The following SDK1 variants were observed in gnomAD, a reference collection of about 807,000 sequenced individuals.
SDK1 encodes the protein sidekick cell adhesion molecule 1.
A neutral mutation model predicts 245.5 loss-of-function variants in SDK1; 157 were observed. The observed-to-expected ratio is 0.64, with a 90% CI of 0.56 to 0.73. The LOEUF is 0.73. SDK1 is among the 30% of genes least tolerant of loss of function. The pLI is 0.00. For synonymous variants in SDK1, 1,647 were observed against 1,278.5 expected (o/e 1.29, Z -6.15); for missense variants, 3,583 against 3,002.3 (o/e 1.19, Z -4.52).
At chr7:3,503,952 C>A (rs1329584983) in intron 1 of SDK1, among the ~76,000 whole-genome samples, 2 of 151,836 alleles carry the variant, frequency 1.3e-5, no homozygotes, top group Non-Finnish European at 2.9e-5. Flanking sequence ...GAGTTTGAGA[C>A]CAACTTGACC....
chr7:3,653,417 A>G (rs985393822), intron 4 of SDK1, among the ~76,000 whole-genome samples: 19 of 152,154 alleles, frequency 1.2e-4, no homozygotes, highest in African/African-American at 4.3e-4. Flanking sequence ...GGGAGAGACC[A>G]TGAGGATGGG....
Position 3,442,085 on chromosome 7 carries a change from T to G in SDK1, c.298+140201T>G, listed in dbSNP as rs1235186220. The stretch of plus-strand genomic sequence containing the variant: ...GGTACCTGCCAGATGGTGGGCATTT[T>G]GGGTGAGATTATGATAGATTTAAGC... On this transcript the variant is annotated intron_variant, in intron 1 of 44. Transcript: ENST00000404826. Among the ~76,000 whole-genome samples the G allele has an allele frequency of 2.0e-5, 3 of 152,170 alleles. No homozygotes were observed. In the East Asian group the frequency reaches 5.8e-4, roughly 29 times the overall value.
At chr7:4,092,928 A>C (rs1429820415) in intron 22 of SDK1, among the ~76,000 whole-genome samples, 2 of 152,196 alleles carry the variant, frequency 1.3e-5, no homozygotes, top group East Asian at 3.9e-4. Context: ...CTTCCCTTTC[A>C]TCTACTTTTC....
At chr7:3,602,389 A>G (rs1056035183) in intron 1 of SDK1, among the ~76,000 whole-genome samples, 10 of 151,948 alleles carry the variant, frequency 6.6e-5, no homozygotes, top group African/African-American at 2.2e-4. Flanking sequence ...GTGAGATGGT[A>G]TCTCATAGTG....
At chr7:3,884,103 C>G (rs1781280076) in intron 5 of SDK1, among the ~76,000 whole-genome samples, 1 of 143,616 alleles carries the variant, frequency 7.0e-6, no homozygotes, top group Admixed American at 7.1e-5. Context: ...TTTTTTGAGA[C>G]AGGGTCTCGC....
chr7:3,604,066 C>T (rs1781336902), intron 1 of SDK1, among the ~76,000 whole-genome samples: 1 of 152,168 alleles, frequency 6.6e-6, no homozygotes, highest in African/African-American at 2.4e-5. Context: ...TTTTGATGTG[C>T]TGCTGGATTT....
intron 1 of SDK1, among the ~76,000 whole-genome samples, chr7:3,493,426 T>C (rs567579021): frequency 5.3e-5 from 8 of 152,198 alleles, no homozygotes; most frequent in Non-Finnish European, 1.0e-4. Context: ...GCTTATAGTT[T>C]TGTTCTCAAA....
chr7:3,980,250 T>A (rs1783293231), intron 13 of SDK1, among the ~76,000 whole-genome samples: 1 of 152,240 alleles, frequency 6.6e-6, no homozygotes, highest in Non-Finnish European at 1.5e-5. Flanking sequence ...AAAACTGTTT[T>A]TCTCACACAC....
At chr7:4,070,387 G>A (rs73302749) in intron 20 of SDK1, among the ~76,000 whole-genome samples, 5,201 of 152,244 alleles carry the variant, frequency 0.034, 307 homozygotes, top group African/African-American at 0.12. Flanking sequence ...AGGACTCGTG[G>A]CATGCTCTGA....
intron 4 of SDK1, among the ~76,000 whole-genome samples, chr7:3,768,652 G>A (rs1583394390): frequency 6.6e-6 from 1 of 152,202 alleles, no homozygotes; most frequent in South Asian, 2.1e-4. Context: ...CATATTGTCA[G>A]AAGTTTTCAC....
intron 1 of SDK1, chr7:3,338,364 G>C (rs1393926489): frequency 1.9e-6 from 1 of 522,530 alleles, no homozygotes; most frequent in Non-Finnish European, 3.6e-6. Flanking sequence ...ACAAGGTCAG[G>C]GCACGACTCT....
At chr7:3,534,333 A>G (rs1778807597) in intron 1 of SDK1, among the ~76,000 whole-genome samples, 1 of 152,064 alleles carries the variant, frequency 6.6e-6, no homozygotes, top group African/African-American at 2.4e-5. Context: ...GCTATTGTGG[A>G]TAATGCTGCA....
At chr7:4,122,759 G>A (rs562885795) in intron 25 of SDK1, among the ~76,000 whole-genome samples, 1 of 152,278 alleles carries the variant, frequency 6.6e-6, no homozygotes, top group South Asian at 2.1e-4. Flanking sequence ...AATGAAAGGG[G>A]AATTCCCAAG....
intron 5 of SDK1, among the ~76,000 whole-genome samples, chr7:3,841,084 G>A (rs999568580): frequency 1.3e-5 from 2 of 152,186 alleles, no homozygotes; most frequent in African/African-American, 2.4e-5. Context: ...AGGGATGCCC[G>A]TTTTGCAGTG....
intron 4 of SDK1, among the ~76,000 whole-genome samples, chr7:3,783,217 A>G (rs555166486): frequency 1.3e-5 from 2 of 152,340 alleles, no homozygotes; most frequent in Non-Finnish European, 2.9e-5. Flanking sequence ...AGTGGACTTC[A>G]ACACAACAAA....
At chr7:4,209,488 T>G (rs1199263805) in intron 37 of SDK1, among the ~76,000 whole-genome samples, 2 of 152,138 alleles carry the variant, frequency 1.3e-5, no homozygotes, top group African/African-American at 4.8e-5. Flanking sequence ...GCTCTAGATA[T>G]TTCCACCAGC....
chr7:3,599,047 T>C (rs1781166757), intron 1 of SDK1, among the ~76,000 whole-genome samples: 2 of 151,596 alleles, frequency 1.3e-5, no homozygotes, highest in African/African-American at 4.8e-5. Flanking sequence ...CCAGAGTGTC[T>C]ATAGTACTCT....
Position 4,114,195 on chromosome 7 carries a change from C to A in SDK1, c.3744C>A (p.Tyr1248Ter). Residue 1248 changes from tyrosine to a stop codon, truncating the protein, a stop_gained, in exon 25 of 45, where the codon TAC (tyrosine) becomes TAA (stop). Transcript: ENST00000404826. LOFTEE classifies it high-confidence loss of function. ...AGGAGCTGGAGGAGTGGATGGAATA[C>A]GAGCTGCAGATGCAGGCCTTCAACG... is the stretch of plus-strand genomic sequence containing the variant. Reference protein sequence around the residue: ...TIEELEEWMEYELQMQAFNAV... With the variant: ...TIEELEEWME 6.2e-7 allele frequency: 1 copy of A among 1,613,978 alleles called. No homozygotes were observed. Among genetic ancestry groups the A allele is most frequent in the East Asian group, 2.2e-5 (1 of 44,880 alleles).
intron 20 of SDK1, among the ~76,000 whole-genome samples, chr7:4,073,506 G>T (rs545570022): frequency 2.0e-5 from 3 of 152,302 alleles, no homozygotes; most frequent in Admixed American, 2.0e-4. Context: ...TCAGCTCTAG[G>T]TCGACATGAC....
Sources: allele counts gnomAD v4.1 joint callset (sites outside exome capture counted in the v4.1 genomes callset), GRCh38; gene constraint gnomAD v4.1.1; transcripts MANE v1.5; gene names NCBI Gene and HGNC (gene_info 2026-07-23, HGNC 2026-07-21).